The following BPTF variants were observed in gnomAD, a reference collection of about 807,000 sequenced individuals.
BPTF encodes nucleosome-remodeling factor subunit BPTF.
A neutral mutation model predicts 292.5 loss-of-function variants in BPTF; 18 were observed. That is an observed-to-expected ratio of 0.06 (90% CI 0.04 to 0.09). The LOEUF (loss-of-function observed/expected upper bound fraction) is 0.09, where lower values mean the gene tolerates loss of function less well. Ranked by LOEUF, BPTF falls within the 10% of genes least tolerant of loss-of-function variation. The pLI, the probability that BPTF is intolerant of heterozygous loss-of-function variation, is 1.00. For missense variants in BPTF, 2,726 were observed against 3,498.7 expected (o/e 0.78, Z 5.57); for synonymous variants, 1,225 against 1,251.9 (o/e 0.98, Z 0.45).
intron 3 of BPTF, 35 bp from the exon 4 acceptor site, chr17:67,874,782 A>G (rs2059953742): frequency 7.0e-7 from 1 of 1,423,502 alleles, no homozygotes; most frequent in Non-Finnish European, 9.8e-7. Flanking sequence ...GGTTATATAT[A>G]GGAATAATTT....
chr17:67,928,982 G>C, intron 16 of BPTF: 1 of 1,179,298 alleles, frequency 8.5e-7, no homozygotes, highest in Non-Finnish European at 1.1e-6. Context: ...TGCCACATCT[G>C]CTACAACCAT....
At position 67,895,442 on chromosome 17, in the gene BPTF, T is replaced by C. The variant is rs1000509833; in HGVS notation, c.2543+1277T>C. 2.6e-5 allele frequency among the ~76,000 whole-genome samples: 4 copies of C among 151,788 alleles called. No homozygotes were observed. In the East Asian group the frequency reaches 7.7e-4, roughly 29 times the overall value. Reference sequence around the variant, plus strand: ...CTAAAGGTATGGCTCCCAGTTTTCTTTGGTGTTTCCACCACATACATTTTT... The same window carrying C: ...CTAAAGGTATGGCTCCCAGTTTTCTCTGGTGTTTCCACCACATACATTTTT... On this transcript the variant is annotated intron_variant, in intron 7 of 27. Transcript: ENST00000306378.
At chr17:67,905,298 C>T (rs1432621621) in intron 9 of BPTF, among the ~76,000 whole-genome samples, 1 of 151,834 alleles carries the variant, frequency 6.6e-6, no homozygotes, top group Non-Finnish European at 1.5e-5. Context: ...ATCCCAGCTA[C>T]TGAGGAGGCT....
At chr17:67,945,166 G>T (rs1247406811) in intron 20 of BPTF, among the ~76,000 whole-genome samples, 1 of 152,074 alleles carries the variant, frequency 6.6e-6, no homozygotes, top group East Asian at 1.9e-4. Context: ...CTCCCACGTA[G>T]CTTGGACCAT....
chr17:67,910,062 C>T (rs2062548224), intron 10 of BPTF, among the ~76,000 whole-genome samples: 1 of 152,184 alleles, frequency 6.6e-6, no homozygotes, highest in African/African-American at 2.4e-5. Flanking sequence ...GCTTAGTGGT[C>T]TACTTTCTGT....
chr17:67,963,435 T>C, intron 24 of BPTF: 2 of 1,536,226 alleles, frequency 1.3e-6, no homozygotes, highest in Non-Finnish European at 1.7e-6. Flanking sequence ...TCTGTAATGA[T>C]TGTAAACGGG....
In BPTF at chr17:67,909,753, A is replaced by C; in HGVS notation, c.2984A>C (p.Lys995Thr). The C allele has an allele frequency of 6.4e-7, 1 of 1,569,010 alleles. No homozygotes were observed. The highest frequency in any genetic ancestry group is 8.6e-7 in the Non-Finnish European group (1 of 1,162,548). ...EMDISKITEK[K>T]DQDVKELLDS... ...GATATCTCAAAGATTACTGAGAAGA[A>C]GGACCAAGGTAAGGAGAGTCAGCTG... Residue 995 changes from lysine to threonine, a missense_variant, in exon 10 of 28, where the codon AAG (lysine) becomes ACG (threonine). This residue lies in a region of BPTF where 713 missense variants were observed against 714.9 expected (regional missense o/e 1.00). Transcript: ENST00000306378.
Position 67,911,054 on chromosome 17 carries a change from C to T in BPTF, c.3170C>T (p.Ser1057Leu). ...LRTSYKKKTK[S>L]SKLDGLLERR... The stretch of plus-strand genomic sequence containing the variant: ...ACTAGTTACAAAAAGAAAACAAAAT[C>T]ATCCAAACTAGATGGACTTCTTGAA... Residue 1057 changes from serine (S) to leucine (L), a missense_variant, in exon 11 of 28, where the codon TCA (serine) becomes TTA (leucine). Ser to Leu is a moderately radical substitution (Grantham distance 145, BLOSUM62 -2). Coordinates refer to ENST00000306378, the MANE Select transcript of BPTF (RefSeq NM_182641.4). 5 of 1,612,984 alleles carry T rather than the reference C, an allele frequency of 3.1e-6. No homozygotes were observed. The highest frequency in any genetic ancestry group is 4.2e-6 in the Non-Finnish European group (5 of 1,179,494).
At chr17:67,952,774 A>G (rs2066501281) in intron 23 of BPTF, among the ~76,000 whole-genome samples, 1 of 152,132 alleles carries the variant, frequency 6.6e-6, no homozygotes, top group Non-Finnish European at 1.5e-5. Flanking sequence ...GCAAATCCCT[A>G]ATGTAACGTA....
At position 67,959,800 on chromosome 17, in the gene BPTF, T is replaced by A; in HGVS notation, c.8186T>A (p.Ile2729Asn). The A allele has an allele frequency of 1.2e-6, 2 of 1,614,054 alleles. No individual in the cohort carries two copies. Among genetic ancestry groups the A allele is most frequent in the Non-Finnish European group, 8.5e-7 (1 of 1,180,000 alleles). The change falls in exon 24 of 28, where the codon ATC becomes AAC. Residue 2729 changes from isoleucine to asparagine, a missense_variant. Ile to Asn is a moderately radical substitution (Grantham distance 149). Transcript: ENST00000306378. ...TCAAAGTCCAAGAAAAAGAAAATGA[T>A]CTCTACTACCTCAAAGGAAACTAAG... ...SSSKSKKKKMISTTSKETKKD... is the reference protein window; with the variant it reads ...SSSKSKKKKMNSTTSKETKKD...
chr17:67,977,450 G>A (rs1343040358), intron 27 of BPTF, among the ~76,000 whole-genome samples: 1 of 152,110 alleles, frequency 6.6e-6, no homozygotes, highest in Non-Finnish European at 1.5e-5. Context: ...GGGAGGCACA[G>A]GCTGCAGTGA....
At chr17:67,869,850 AAATT>A (rs2059610277) in intron 3 of BPTF, among the ~76,000 whole-genome samples, 2 of 148,864 alleles carry the variant, frequency 1.3e-5, no homozygotes, top group Non-Finnish European at 3.0e-5. Context: ...AAAAAAAAAA[AAATT>A]AGCCAGGCGT....
At chr17:67,843,918 A>G (rs2057795695) in intron 1 of BPTF, among the ~76,000 whole-genome samples, 1 of 149,338 alleles carries the variant, frequency 6.7e-6, no homozygotes, top group Non-Finnish European at 1.5e-5. Context: ...GGCATGTGCC[A>G]CCATGGCCGG....
intron 22 of BPTF, 123 bp from the exon 23 acceptor site, chr17:67,947,958 C>A: frequency 8.0e-7 from 1 of 1,251,916 alleles, no homozygotes; most frequent in Non-Finnish European, 1.1e-6. Context: ...TGGTTTGAAC[C>A]ACTCTTGACG....
At chr17:67,936,573 C>T (rs2064934438) in intron 18 of BPTF, 2 of 152,234 alleles carry the variant, frequency 1.3e-5, no homozygotes, top group Admixed American at 1.3e-4. Context: ...ACTCTCTTCT[C>T]CAGGGTTTTG....
At chr17:67,971,151 T>C (rs897170178) in intron 26 of BPTF, among the ~76,000 whole-genome samples, 3 of 152,196 alleles carry the variant, frequency 2.0e-5, no homozygotes, top group Non-Finnish European at 2.9e-5. Flanking sequence ...CTATCTCGGC[T>C]CACTGCAACC....
At chr17:67,924,321 G>A (rs2063691760) in intron 14 of BPTF, among the ~76,000 whole-genome samples, 1 of 151,946 alleles carries the variant, frequency 6.6e-6, no homozygotes, top group Non-Finnish European at 1.5e-5. Context: ...CACCATGTTG[G>A]CCAGGCTGGT....
At chr17:67,947,570 C>A (rs2065904932) in intron 21 of BPTF, among the ~76,000 whole-genome samples, 156 bp from the exon 22 acceptor site, 2 of 152,186 alleles carry the variant, frequency 1.3e-5, no homozygotes, top group South Asian at 4.1e-4. Flanking sequence ...GCACCCAGGC[C>A]ATCTGGTAGC....
At chr17:67,899,537 T>C (rs1290638610) in intron 7 of BPTF, among the ~76,000 whole-genome samples, 1 of 151,180 alleles carries the variant, frequency 6.6e-6, no homozygotes, top group Non-Finnish European at 1.5e-5. Context: ...TTTTTTCTTT[T>C]TTTTTTTTTT....
Sources: gnomAD v4.1 joint callset for allele counts (sites outside exome capture counted in the v4.1 genomes callset) on GRCh38, gnomAD v4.1.1 for gene constraint, gnomAD v4.1.1 regional missense constraint, MANE v1.5 for transcripts, NCBI Gene and HGNC (gene_info 2026-07-23, HGNC 2026-07-21) for gene names.